The following RPTOR variants were observed in gnomAD, a reference collection of about 807,000 sequenced individuals.
RPTOR encodes regulatory associated protein of MTOR complex 1, also known as regulatory-associated protein of mTOR.
In RPTOR, 21 loss-of-function variants were observed where a neutral mutation model predicts 169.9. That is an observed-to-expected ratio of 0.12 (90% confidence interval 0.09 to 0.18). The LOEUF is 0.18. RPTOR is among the 10% of genes least tolerant of loss of function. RPTOR has a pLI of 1.00. For synonymous variants in RPTOR, 732 were observed against 753.2 expected (o/e 0.97, Z 0.46); for missense variants, 1,133 against 1,855.9 (o/e 0.61, Z 7.16).
Position 80,646,420 on chromosome 17 carries a change from C to T in RPTOR, c.348+2610C>T, listed in dbSNP as rs1310528560. ...CCGGTGCGCGTGGCACACTGCTCCT[C>T]ACAGCTTTCCGTGGGTTACAGGACA... On this transcript the variant is annotated intron_variant, in intron 3 of 33. Transcript: ENST00000306801. The surrounding 1 kb of genome is among the most constrained non-coding windows in gnomAD (Gnocchi z 5.0). Among the ~76,000 whole-genome samples the T allele has an allele frequency of 1.3e-5, 2 of 152,150 alleles. No homozygotes were observed. The highest frequency in any genetic ancestry group is 2.4e-5 in the African/African-American group (1 of 41,422).
chr17:80,910,356 C>G (rs572465730), intron 21 of RPTOR, among the ~76,000 whole-genome samples: 1 of 152,292 alleles, frequency 6.6e-6, no homozygotes, highest in Admixed American at 6.5e-5. Flanking sequence ...TCCTGGTTTT[C>G]TAGTTGCTTA....
intron 23 of RPTOR, 58 bp from the exon 24 acceptor site, chr17:80,925,312 G>A (rs571101408): frequency 1.9e-5 from 27 of 1,451,024 alleles, no homozygotes; most frequent in Non-Finnish European, 2.5e-5. Context: ...GAGCTCAGGA[G>A]TGGCATGACT....
At chr17:80,670,734 G>A (rs1398244936) in intron 3 of RPTOR, among the ~76,000 whole-genome samples, 3 of 152,138 alleles carry the variant, frequency 2.0e-5, no homozygotes, top group Non-Finnish European at 4.4e-5. Context: ...AGCACCTGGC[G>A]TTTGCCTGTA....
At chr17:80,934,718 C>A (rs1474361099) in intron 24 of RPTOR, among the ~76,000 whole-genome samples, 1 of 152,164 alleles carries the variant, frequency 6.6e-6, no homozygotes, top group African/African-American at 2.4e-5. Flanking sequence ...GTTTCGCTGG[C>A]AACTGTACCA....
chr17:80,703,641 C>T (rs560263100), intron 3 of RPTOR, among the ~76,000 whole-genome samples: 1 of 152,304 alleles, frequency 6.6e-6, no homozygotes, highest in Admixed American at 6.5e-5. Flanking sequence ...CCTACTTGAG[C>T]TGTCTTAAAG....
intron 3 of RPTOR, among the ~76,000 whole-genome samples, chr17:80,663,422 A>G (rs913580808): frequency 1.3e-5 from 2 of 152,110 alleles, no homozygotes; most frequent in African/African-American, 4.8e-5. Flanking sequence ...AAAGCCAGGC[A>G]ATCTGCAGAG....
chr17:80,767,845 A>AT (rs10712532), intron 6 of RPTOR, among the ~76,000 whole-genome samples: 37 of 150,794 alleles, frequency 2.5e-4, no homozygotes, highest in African/African-American at 7.1e-4. Flanking sequence ...TGTTACTTGA[A>AT]TTTTTTTTTT....
At chr17:80,778,340 A>G (rs2066910212) in intron 6 of RPTOR, among the ~76,000 whole-genome samples, 1 of 152,214 alleles carries the variant, frequency 6.6e-6, no homozygotes, top group African/African-American at 2.4e-5. Flanking sequence ...ACCGAATGCA[A>G]CCCAGGAGCT....
intron 10 of RPTOR, among the ~76,000 whole-genome samples, chr17:80,843,561 G>A (rs2067693911): frequency 6.6e-6 from 1 of 152,004 alleles, no homozygotes; most frequent in African/African-American, 2.4e-5. Context: ...CGTACAGGGG[G>A]ATAGAATGTC....
Position 80,583,521 on chromosome 17 carries a change from C to T in RPTOR, c.162+37730C>T, listed in dbSNP as rs137856163. ...CTGCCTCTTTCTGAGGCCTGTCCCA[C>T]GTGGGACCTTGTGAGCTGGTGGAGG... On this transcript the variant is annotated intron_variant, in intron 1 of 33. Transcript: ENST00000306801. Among the ~76,000 whole-genome samples, 76 of 152,296 alleles carry T rather than the reference C, an allele frequency of 5.0e-4. 1 individual carries two copies. Among genetic ancestry groups the T allele is most frequent in the African/African-American group, 1.8e-3 (73 of 41,584 alleles).
intron 27 of RPTOR, among the ~76,000 whole-genome samples, chr17:80,948,116 C>T (rs543814188): frequency 2.6e-5 from 4 of 152,318 alleles, no homozygotes; most frequent in South Asian, 2.1e-4. Flanking sequence ...GGGAGGCAGG[C>T]GGGGGAGGCC....
chr17:80,935,598 C>T (rs2068945703), intron 24 of RPTOR, among the ~76,000 whole-genome samples: 1 of 152,082 alleles, frequency 6.6e-6, no homozygotes. Context: ...CAATTCAATT[C>T]AATGGAGAAA....
Position 80,869,435 on chromosome 17 carries a change from C to T in RPTOR, c.1510-10980C>T, listed in dbSNP as rs548503341. Among the ~76,000 whole-genome samples the T allele has an allele frequency of 8.5e-5, 13 of 152,212 alleles. No homozygotes were observed. The East Asian group carries it at 1.2e-3, about 14-fold the overall frequency. On this transcript the variant is annotated intron_variant, in intron 13 of 33. Transcript: ENST00000306801. ...GCCTCTAAAGTGCTGGGATTACAGG[C>T]GTGAGCCACTACACCTGGCCCCCCT...
chr17:80,662,728 A>G (rs1030700334), intron 3 of RPTOR, among the ~76,000 whole-genome samples: 2 of 152,144 alleles, frequency 1.3e-5, no homozygotes, highest in South Asian at 2.1e-4. Flanking sequence ...GCTAGGGATG[A>G]TGGCTGGGTA....
At chr17:80,613,405 G>C (rs2065285331) in intron 1 of RPTOR, among the ~76,000 whole-genome samples, 1 of 152,182 alleles carries the variant, frequency 6.6e-6, no homozygotes, top group Non-Finnish European at 1.5e-5. Flanking sequence ...CGCAGCCCCA[G>C]GACCTGACTC....
In RPTOR at chr17:80,860,716, A is replaced by G. The variant is rs1158131595; in HGVS notation, c.1509+2816A>G. 6.6e-6 allele frequency among the ~76,000 whole-genome samples: 1 copy of G among 151,846 alleles called. No homozygotes were observed. Among genetic ancestry groups the G allele is most frequent in the African/African-American group, 2.4e-5 (1 of 41,314 alleles). On this transcript the variant is annotated intron_variant, in intron 13 of 33. Transcript: ENST00000306801. This position sits in a 1 kb window ranked among gnomAD's most constrained non-coding sequence, Gnocchi z 5.8. Reference sequence around the variant, plus strand: ...ATTCCCTGGGATTTTCTGCTAGTTCACTGGTTCTTGTAGATTCCCTAGGAT... The same window carrying G: ...ATTCCCTGGGATTTTCTGCTAGTTCGCTGGTTCTTGTAGATTCCCTAGGAT...
At chr17:80,764,946 G>A (rs987312775) in intron 6 of RPTOR, among the ~76,000 whole-genome samples, 8 of 152,198 alleles carry the variant, frequency 5.3e-5, no homozygotes, top group Non-Finnish European at 5.9e-5. Context: ...ACAGCCAAAT[G>A]TTAGTAATAG....
intron 6 of RPTOR, among the ~76,000 whole-genome samples, chr17:80,767,857 T>A (rs1403174602): frequency 6.6e-6 from 1 of 151,842 alleles, no homozygotes; most frequent in Non-Finnish European, 1.5e-5. Flanking sequence ...TTTTTTTTTA[T>A]GATTTTATTT....
At chr17:80,747,511 G>A (rs1567891145) in intron 5 of RPTOR, among the ~76,000 whole-genome samples, 1 of 152,244 alleles carries the variant, frequency 6.6e-6, no homozygotes, top group Non-Finnish European at 1.5e-5. Flanking sequence ...ATGGGGAAAT[G>A]AAGTTTCTAG....
Sources: gnomAD v4.1 joint callset for allele counts (sites outside exome capture counted in the v4.1 genomes callset) on GRCh38, gnomAD v4.1.1 for gene constraint, Gnocchi (gnomAD v3.1) non-coding constraint, MANE v1.5 for transcripts, NCBI Gene and HGNC (gene_info 2026-07-23, HGNC 2026-07-21) for gene names.